GLIS3: variants seen among roughly 807,000 people sequenced by gnomAD.
GLIS3 encodes the protein GLIS family zinc finger 3, also known as zinc finger protein GLIS3.
A neutral mutation model predicts 78.6 loss-of-function variants in GLIS3; 53 were observed. That is an observed-to-expected ratio of 0.67 (90% confidence interval 0.54 to 0.85). The LOEUF (loss-of-function observed/expected upper bound fraction) is 0.85. GLIS3 is among the 40% of genes least tolerant of loss of function. The probability of loss-of-function intolerance (pLI) is 0.00; values close to 1 mark genes in which losing one functional copy is unlikely to be tolerated. For synonymous variants in GLIS3, 684 were observed against 509.9 expected (o/e 1.34, Z -4.60); for missense variants, 1,703 against 1,231.1 (o/e 1.38, Z -5.74).
At chr9:4,357,785 C>T in the GLIS3 span, among the ~76,000 whole-genome samples, 2 of 152,118 alleles carry the variant, frequency 1.3e-5, no homozygotes, top group Non-Finnish European at 1.5e-5. Context: ...GGTCAAAGAA[C>T]TGAATACAGG....
At position 3,827,309 on chromosome 9, in the gene GLIS3, A is replaced by G. The variant is rs886063948; in HGVS notation, c.*963T>C. On this transcript the variant is annotated 3_prime_UTR_variant, in exon 11 of 11. Coordinates refer to ENST00000381971, the MANE Select transcript of GLIS3 (RefSeq NM_001042413.2). ...CATGACTCAGTCTGTCCCAGTTCTC[A>G]CATCTGGCACTTCTCTGGGTGCAGC... The G allele has an allele frequency of 1.3e-5, 2 of 152,240 alleles. No individual in the cohort carries two copies. Among genetic ancestry groups the G allele is most frequent in the Non-Finnish European group, 1.5e-5 (1 of 68,048 alleles). 9.4% of individuals were successfully genotyped at this position (152,240 alleles called of 1,614,324 possible).
At chr9:4,207,929 G>C (rs1820027038) in intron 2 of GLIS3, among the ~76,000 whole-genome samples, 2 of 152,186 alleles carry the variant, frequency 1.3e-5, no homozygotes. Flanking sequence ...TTCCACTTCA[G>C]CTGCCCCAAA....
At chr9:4,217,332 T>A (rs1205564447) in intron 2 of GLIS3, among the ~76,000 whole-genome samples, 1 of 152,288 alleles carries the variant, frequency 6.6e-6, no homozygotes, top group East Asian at 1.9e-4. Context: ...TATTTAAAAA[T>A]AAAAATTTTA....
chr9:3,833,330 C>T (rs1391867508), intron 9 of GLIS3, among the ~76,000 whole-genome samples: 1 of 152,192 alleles, frequency 6.6e-6, no homozygotes, highest in Non-Finnish European at 1.5e-5. Context: ...CTCTTCCCAG[C>T]ACTATTTTCA....
chr9:3,944,343 G>A (rs1474383864), intron 4 of GLIS3, among the ~76,000 whole-genome samples: 1 of 152,140 alleles, frequency 6.6e-6, no homozygotes, highest in Non-Finnish European at 1.5e-5. Context: ...ACCTCATCAT[G>A]GGCATTATAT....
chr9:4,455,584 C>T, the GLIS3 span, among the ~76,000 whole-genome samples: 1 of 152,104 alleles, frequency 6.6e-6, no homozygotes, highest in Non-Finnish European at 1.5e-5. Context: ...TCTTTCCAAA[C>T]TTAACATTGT....
chr9:4,401,571 C>CTTTTTTTTTTT, the GLIS3 span, among the ~76,000 whole-genome samples: 1 of 120,670 alleles, frequency 8.3e-6, no homozygotes, highest in African/African-American at 3.0e-5. Flanking sequence ...TCCTTTCTTT[C>CTTTTTTTTTTT]TTTTTTTTTT....
chr9:4,183,649 G>T (rs1056794601), intron 2 of GLIS3, among the ~76,000 whole-genome samples: 3 of 152,126 alleles, frequency 2.0e-5, no homozygotes, highest in African/African-American at 7.2e-5. Context: ...TACTTTGAAG[G>T]TCTCTTTCAG....
intron 2 of GLIS3, among the ~76,000 whole-genome samples, chr9:4,144,258 T>C (rs1001473981): frequency 1.3e-5 from 2 of 152,230 alleles, no homozygotes; most frequent in African/African-American, 4.8e-5. Flanking sequence ...AGGCGGATAA[T>C]TCAGCTCAAC....
intron 8 of GLIS3, among the ~76,000 whole-genome samples, chr9:3,875,368 A>C (rs1224295375): frequency 6.6e-6 from 1 of 152,206 alleles, no homozygotes; most frequent in Non-Finnish European, 1.5e-5. Context: ...GTAAGGATCA[A>C]AGAACTTGAC....
chr9:4,077,701 G>T (rs1287310889), intron 4 of GLIS3, among the ~76,000 whole-genome samples: 1 of 152,144 alleles, frequency 6.6e-6, no homozygotes, highest in Non-Finnish European at 1.5e-5. Flanking sequence ...GCGCGGGGGG[G>T]TAAGTGAAGG....
intron 1 of GLIS3, among the ~76,000 whole-genome samples, chr9:4,292,128 A>C (rs1434006181): frequency 6.6e-6 from 1 of 152,176 alleles, no homozygotes; most frequent in Non-Finnish European, 1.5e-5. Context: ...ACAGGCTGTA[A>C]GTTCCTACAT....
the GLIS3 span, among the ~76,000 whole-genome samples, chr9:4,406,896 T>C: frequency 6.6e-6 from 1 of 152,138 alleles, no homozygotes; most frequent in Non-Finnish European, 1.5e-5. Flanking sequence ...TTCAATACAA[T>C]TCCTATCAAA....
chr9:4,009,656 A>G (rs1821836135), intron 4 of GLIS3, among the ~76,000 whole-genome samples: 1 of 152,208 alleles, frequency 6.6e-6, no homozygotes, highest in African/African-American at 2.4e-5. Flanking sequence ...TGGCAGTTCC[A>G]GAAGAGCAAA....
intron 8 of GLIS3, among the ~76,000 whole-genome samples, chr9:3,876,202 C>G (rs1821295311): frequency 6.6e-6 from 1 of 152,130 alleles, no homozygotes. Context: ...CCATGGAACC[C>G]TGGAACACTG....
At chr9:3,875,896 A>G (rs191141215) in intron 8 of GLIS3, among the ~76,000 whole-genome samples, 5 of 152,218 alleles carry the variant, frequency 3.3e-5, no homozygotes, top group Admixed American at 3.3e-4. Context: ...TTCCATGATT[A>G]TTTACATTAT....
At chr9:3,868,294 A>T (rs1417454177) in intron 8 of GLIS3, among the ~76,000 whole-genome samples, 1 of 152,230 alleles carries the variant, frequency 6.6e-6, no homozygotes, top group African/African-American at 2.4e-5. Flanking sequence ...TAATGGAGAC[A>T]AGTGAGACCA....
At chr9:4,382,610 G>C in the GLIS3 span, among the ~76,000 whole-genome samples, 1 of 152,086 alleles carries the variant, frequency 6.6e-6, no homozygotes, top group South Asian at 2.1e-4. Flanking sequence ...CCCCAAACCT[G>C]AGTGATCATC....
At chr9:4,120,964 G>A (rs1832131200) in intron 3 of GLIS3, among the ~76,000 whole-genome samples, 1 of 152,180 alleles carries the variant, frequency 6.6e-6, no homozygotes, top group Admixed American at 6.5e-5. Context: ...ACTTAAATAT[G>A]GCTCAATCAA....
Sources: allele counts gnomAD v4.1 joint callset (sites outside exome capture counted in the v4.1 genomes callset), GRCh38; gene constraint gnomAD v4.1.1; transcripts MANE v1.5; gene names NCBI Gene and HGNC (gene_info 2026-07-23, HGNC 2026-07-21).